The following INSL6 variants were observed in gnomAD, a reference collection of about 807,000 sequenced individuals.
INSL6 encodes the protein insulin-like peptide INSL6.
A neutral mutation model predicts 9.4 loss-of-function variants in INSL6; 16 were observed. That is an observed-to-expected ratio of 1.70 (90% CI 1.15 to 2.59). The LOEUF is 2.59. INSL6 is among the 30% of genes most tolerant of loss of function. The pLI, the probability that INSL6 is intolerant of heterozygous loss-of-function variation, is 0.00. For missense variants in INSL6, 391 were observed against 257.3 expected, an observed-to-expected ratio of 1.52 and a Z score of -3.56; for synonymous variants, 154 against 96.9, an observed-to-expected ratio of 1.59 and a Z score of -3.46.
chr9:5,074,112 C>A, the INSL6 span, among the ~76,000 whole-genome samples: 1 of 152,030 alleles, frequency 6.6e-6, no homozygotes, highest in Non-Finnish European at 1.5e-5. Flanking sequence ...CTTTTCAGTA[C>A]AAACTTATCT....
At chr9:5,085,734 G>A in the INSL6 span, 1 of 752,304 alleles carries the variant, frequency 1.3e-6, no homozygotes, top group South Asian at 1.4e-5. Context: ...TGCAATTAAG[G>A]CTGTGGCGCG....
chr9:5,178,167 G>A (rs914659393), intron 1 of INSL6, among the ~76,000 whole-genome samples: 11 of 152,284 alleles, frequency 7.2e-5, no homozygotes, highest in South Asian at 2.1e-4. Context: ...GAGCCACCAC[G>A]CTCAGACTGC....
the INSL6 span, chr9:5,089,588 C>T: frequency 4.6e-6 from 1 of 219,026 alleles, no homozygotes. Flanking sequence ...ATTCCAGCTA[C>T]TAGAATTTTC....
the INSL6 span, chr9:5,054,614 T>C: frequency 6.2e-7 from 1 of 1,612,474 alleles, no homozygotes; most frequent in African/African-American, 1.3e-5. The surrounding 1 kb of genome is among the most constrained non-coding windows in gnomAD (Gnocchi z 4.9). Context: ...AAGACTATCA[T>C]ATTTTGACAA....
chr9:5,085,195 A>G, the INSL6 span: 63 of 660,092 alleles, frequency 9.5e-5, no homozygotes, highest in African/African-American at 1.1e-3. Flanking sequence ...TCTCATGATC[A>G]TAGCATTCAT....
At chr9:5,085,240 C>T in the INSL6 span, 58 of 672,552 alleles carry the variant, frequency 8.6e-5, no homozygotes, top group African/African-American at 8.5e-4. Flanking sequence ...TAGGACAGGA[C>T]CAGTGGCTAA....
chr9:5,145,019 T>C (rs567991848), intron 2 of INSL6, among the ~76,000 whole-genome samples: 58 of 152,318 alleles, frequency 3.8e-4, no homozygotes, highest in African/African-American at 1.4e-3. Context: ...TGCTGGCTGG[T>C]TATTTTGCAG....
chr9:5,007,762 C>T, the INSL6 span, among the ~76,000 whole-genome samples: 1 of 151,568 alleles, frequency 6.6e-6, no homozygotes, highest in Non-Finnish European at 1.5e-5. Context: ...CTCTGTCACC[C>T]AGGCTGAACT....
the INSL6 span, among the ~76,000 whole-genome samples, chr9:5,079,810 C>G: frequency 6.6e-6 from 1 of 151,796 alleles, no homozygotes; most frequent in Admixed American, 6.6e-5. Context: ...CACAGTGACA[C>G]CCTGTCTCAA....
chr9:5,073,876 TCAGTGTAAACTATAATTTAA>T, the INSL6 span: 33 of 804,780 alleles, frequency 4.1e-5, no homozygotes, highest in East Asian at 8.1e-4. Context: ...CAGCTAGGTG[TCAGTGTAAACTATAATTTAA>T]CAGGAGTTAA....
chr9:5,041,608 G>C, the INSL6 span: 4 of 496,020 alleles, frequency 8.1e-6, no homozygotes, highest in Non-Finnish European at 1.2e-5. Flanking sequence ...AAGCCCGACT[G>C]TGACTACATG....
chr9:5,105,175 CA>C, the INSL6 span, among the ~76,000 whole-genome samples: 1 of 152,146 alleles, frequency 6.6e-6, no homozygotes, highest in Non-Finnish European at 1.5e-5. Context: ...ATCTCAGCCC[CA>C]AATCTCCTTA....
the INSL6 span, among the ~76,000 whole-genome samples, chr9:5,019,028 T>C: frequency 6.6e-6 from 1 of 152,216 alleles, no homozygotes; most frequent in African/African-American, 2.4e-5. Context: ...CTCTAATGTG[T>C]TGTGGAGAAC....
At chr9:5,038,669 C>A in the INSL6 span, among the ~76,000 whole-genome samples, 2 of 149,488 alleles carry the variant, frequency 1.3e-5, no homozygotes, top group African/African-American at 2.5e-5. Context: ...ATATAAAAAT[C>A]TAAAGTCTGA....
chr9:5,043,123 C>G, the INSL6 span, among the ~76,000 whole-genome samples: 1 of 152,228 alleles, frequency 6.6e-6, no homozygotes, highest in South Asian at 2.1e-4. Context: ...AGCCCCCGAC[C>G]CAGCCCCGCA....
At chr9:5,151,569 G>T (rs1200407473) in intron 2 of INSL6, among the ~76,000 whole-genome samples, 1 of 152,114 alleles carries the variant, frequency 6.6e-6, no homozygotes, top group Non-Finnish European at 1.5e-5. Context: ...TGCCTGTGAA[G>T]TGAGATCTCA....
the INSL6 span, among the ~76,000 whole-genome samples, chr9:5,074,225 T>G: frequency 3.6e-3 from 541 of 152,262 alleles, 3 homozygotes; most frequent in Middle Eastern, 0.014. Flanking sequence ...TTGGCTAAAT[T>G]TAGGTGTTCA....
chr9:5,050,390 C>G, the INSL6 span, among the ~76,000 whole-genome samples: 2 of 152,190 alleles, frequency 1.3e-5, no homozygotes, highest in African/African-American at 2.4e-5. Flanking sequence ...CCTACCTCAG[C>G]CCCCCAAGTA....
At chr9:5,043,438 A>C in the INSL6 span, among the ~76,000 whole-genome samples, 1 of 152,276 alleles carries the variant, frequency 6.6e-6, no homozygotes, top group South Asian at 2.1e-4. Context: ...AAAATCAGAA[A>C]GACAAACAAT....
Sources: allele counts gnomAD v4.1 joint callset (sites outside exome capture counted in the v4.1 genomes callset), GRCh38; gene constraint gnomAD v4.1.1; non-coding constraint Gnocchi (gnomAD v3.1); transcripts MANE v1.5; gene names NCBI Gene and HGNC (gene_info 2026-07-23, HGNC 2026-07-21).